CSNK1G3: variants seen among roughly 807,000 people sequenced by gnomAD.
CSNK1G3 encodes casein kinase 1 gamma 3.
A neutral mutation model predicts 64.3 loss-of-function variants in CSNK1G3; 23 were observed. The ratio of observed to expected loss-of-function variants is 0.36; its 90% CI spans 0.26 to 0.51. The LOEUF is 0.51. Ranked by LOEUF, CSNK1G3 falls within the 20% of genes least tolerant of loss-of-function variation. The pLI is 0.96. For missense variants in CSNK1G3, 357 were observed against 510.5 expected, an observed-to-expected ratio of 0.70 and a Z score of 2.90; for synonymous variants, 158 against 162.2, an observed-to-expected ratio of 0.97 and a Z score of 0.20.
intron 3 of CSNK1G3, among the ~76,000 whole-genome samples, chr5:123,554,361 C>G (rs939879192): frequency 3.3e-5 from 5 of 152,166 alleles, no homozygotes; most frequent in African/African-American, 9.7e-5. Flanking sequence ...TCACAGTAAT[C>G]AGTTCACACT....
chr5:123,526,093 A>G (rs2150036313), intron 1 of CSNK1G3, among the ~76,000 whole-genome samples: 1 of 152,028 alleles, frequency 6.6e-6, no homozygotes, highest in East Asian at 1.9e-4. Context: ...GCTGGGGTGC[A>G]GTGGCATAAT....
intron 10 of CSNK1G3, among the ~76,000 whole-genome samples, chr5:123,596,061 T>C (rs1250993768): frequency 1.3e-5 from 2 of 152,094 alleles, no homozygotes; most frequent in African/African-American, 4.8e-5. Context: ...TTTAATCAAC[T>C]GATTCTGTAC....
intron 4 of CSNK1G3, 88 bp from the exon 5 acceptor site, chr5:123,573,305 C>A: frequency 7.1e-7 from 1 of 1,398,762 alleles, no homozygotes; most frequent in Non-Finnish European, 1.0e-6. Flanking sequence ...GTTCTTGAAA[C>A]TATAAAATTT....
At chr5:123,531,850 C>G (rs1779989326) in intron 1 of CSNK1G3, among the ~76,000 whole-genome samples, 1 of 151,830 alleles carries the variant, frequency 6.6e-6, no homozygotes, top group African/African-American at 2.4e-5. Flanking sequence ...TAGAGCAGTA[C>G]AAGTAACTAT....
intron 6 of CSNK1G3, among the ~76,000 whole-genome samples, chr5:123,587,143 A>G (rs534666886): frequency 6.6e-6 from 1 of 152,348 alleles, no homozygotes; most frequent in Admixed American, 6.5e-5. Flanking sequence ...ATGTTTACAC[A>G]GTAAAAATCA....
chr5:123,529,299 C>T (rs1779553376), intron 1 of CSNK1G3, among the ~76,000 whole-genome samples: 1 of 152,160 alleles, frequency 6.6e-6, no homozygotes, highest in South Asian at 2.1e-4. Context: ...CGGAACATAA[C>T]TCTGTATTTA....
chr5:123,529,548 G>A (rs1331411854), intron 1 of CSNK1G3, among the ~76,000 whole-genome samples: 1 of 152,084 alleles, frequency 6.6e-6, no homozygotes, highest in African/African-American at 2.4e-5. Context: ...ACCTGTGTCT[G>A]GTGCATGGTA....
intron 4 of CSNK1G3, among the ~76,000 whole-genome samples, chr5:123,560,432 A>G (rs572891910): frequency 1.3e-5 from 2 of 152,334 alleles, no homozygotes; most frequent in African/African-American, 4.8e-5. Flanking sequence ...TGTTCATAGA[A>G]GTATTGTTTA....
rs533987661 is a variant in CSNK1G3 at position 123,553,207 on chromosome 5, T to C, written c.219+60T>C. On this transcript the variant is annotated intron_variant, in intron 3 of 12. Transcript: ENST00000345990. ...TCTTTGTTACTTTTTAAGTAACTTA[T>C]ATATTTTAATTATTTTTTGTTTTCA... The C allele has an allele frequency of 1.4e-5, 12 of 872,288 alleles. No individual in the cohort carries two copies. The East Asian group carries it at 1.9e-4, about 14-fold the overall frequency. 54.0% of individuals were successfully genotyped at this position (872,288 alleles called of 1,614,324 possible). A position where few individuals can be genotyped will look rare whatever the true frequency, so the allele number is the denominator to read the frequency against.
chr5:123,545,673 A>G (rs770882598), exon 2 of CSNK1G3: 1 of 1,611,228 alleles, frequency 6.2e-7, no homozygotes, highest in Non-Finnish European at 8.5e-7. Context: ...TATGGAAAAT[A>G]AAAAGAAAGA....
chr5:123,566,820 C>T (rs971135450), intron 4 of CSNK1G3, among the ~76,000 whole-genome samples: 4 of 150,516 alleles, frequency 2.7e-5, no homozygotes, highest in Non-Finnish European at 5.9e-5. Context: ...AGCATATGTT[C>T]GTAATAAAAA....
In CSNK1G3 at chr5:123,588,048, A is replaced by G. The variant is rs764495734; in HGVS notation, c.674-20A>G. On this transcript the variant is annotated intron_variant, in intron 6 of 12. Transcript: ENST00000345990. ...TAACTGTTAGAGAAAAGTGAAATTT[A>G]TATTTCTTTTGTATTTCAGAACAAA... 4.5e-5 allele frequency: 66 copies of G among 1,451,124 alleles called. No individual in the cohort carries two copies. Among genetic ancestry groups the G allele is most frequent in the Admixed American group, 2.2e-5 (1 of 45,282 alleles). The allele number at this position is 1,451,124 out of a possible 1,614,324, so 89.9% of individuals were successfully genotyped here. A position where few individuals can be genotyped will look rare whatever the true frequency, so the allele number is the denominator to read the frequency against.
intron 1 of CSNK1G3, among the ~76,000 whole-genome samples, chr5:123,515,417 G>A (rs1776975369): frequency 6.6e-6 from 1 of 152,186 alleles, no homozygotes; most frequent in Non-Finnish European, 1.5e-5. Context: ...GAGATTTGCT[G>A]TGGATGAGAT....
chr5:123,545,501 A>G (rs1782380203), exon 2 of CSNK1G3: 1 of 501,038 alleles, frequency 2.0e-6, no homozygotes, highest in Admixed American at 3.5e-5. Context: ...AAATTTTACG[A>G]ATGGGATGAA....
chr5:123,528,739 A>C (rs948084093), intron 1 of CSNK1G3, among the ~76,000 whole-genome samples: 9 of 152,152 alleles, frequency 5.9e-5, no homozygotes, highest in Non-Finnish European at 1.2e-4. Flanking sequence ...TTTCTTATTC[A>C]TTTATTAGCT....
intron 6 of CSNK1G3, among the ~76,000 whole-genome samples, chr5:123,587,719 C>T (rs549081390): frequency 3.3e-4 from 50 of 152,188 alleles, no homozygotes; most frequent in African/African-American, 1.2e-3. Flanking sequence ...AGTTTTAATA[C>T]GTTACCTTCT....
intron 9 of CSNK1G3, 56 bp downstream of exon 9, chr5:123,590,614 T>G (rs1262004274): frequency 9.7e-7 from 1 of 1,036,058 alleles, no homozygotes; most frequent in Admixed American, 2.9e-5. Context: ...TTTTTAATAG[T>G]ACAATATCTT....
intron 3 of CSNK1G3, among the ~76,000 whole-genome samples, chr5:123,556,734 G>C (rs138345996): frequency 6.6e-6 from 1 of 150,490 alleles, no homozygotes; most frequent in African/African-American, 2.4e-5. Flanking sequence ...TATTTCTAAC[G>C]TCTAAAACCC....
exon 11 of CSNK1G3, chr5:123,604,795 A>G (rs56362215): frequency 6.2e-7 from 1 of 1,611,248 alleles, no homozygotes; most frequent in Middle Eastern, 1.7e-4. Context: ...CACCCATCAC[A>G]GCCCCTACTG....
Sources: gnomAD v4.1 joint callset for allele counts (sites outside exome capture counted in the v4.1 genomes callset) on GRCh38, gnomAD v4.1.1 for gene constraint, MANE v1.5 for transcripts, NCBI Gene and HGNC (gene_info 2026-07-23, HGNC 2026-07-21) for gene names.